RPS6KA3: variants seen among roughly 807,000 people sequenced by gnomAD.
The protein encoded by RPS6KA3 is ribosomal protein S6 kinase A3.
Under a neutral mutation model 67.2 loss-of-function variants are expected in RPS6KA3, and 4 were observed. The ratio of observed to expected loss-of-function variants is 0.06; its 90% CI spans 0.03 to 0.14. The LOEUF (loss-of-function observed/expected upper bound fraction) is 0.14. Ranked by LOEUF, RPS6KA3 falls within the 10% of genes least tolerant of loss-of-function variation. RPS6KA3 has a pLI of 1.00. For missense variants in RPS6KA3, 204 were observed against 559.0 expected (o/e 0.36, Z 6.40); for synonymous variants, 182 against 183.7 (o/e 0.99, Z 0.07).
chrX:20,176,380 G>T, intron 12 of RPS6KA3, 28 bp from the exon 13 acceptor site: 1 of 1,118,545 alleles, frequency 8.9e-7, no homozygotes, highest in Non-Finnish European at 1.2e-6. Context: ...AAGAGACTTA[G>T]ACATATTTTA....
At chrX:20,188,120 C>A in intron 8 of RPS6KA3, 150 bp from the exon 9 acceptor site, 2 of 540,163 alleles carry the variant, frequency 3.7e-6, no homozygotes, top group Non-Finnish European at 6.0e-6. Context: ...GTCACCCAGG[C>A]TGGAGTACAG....
chrX:20,176,748 T>C (rs1244343654), intron 11 of RPS6KA3, among the ~76,000 whole-genome samples: 2 of 110,784 alleles, frequency 1.8e-5, no homozygotes, highest in Non-Finnish European at 3.8e-5. Flanking sequence ...CGCACCACCA[T>C]GCCTGGCTAA....
chrX:20,266,768 A>AGCAGCAGCG lies in RPS6KA3; in HGVS notation c.-137_-136insCGCTGCTGC, dbSNP rs2070406573. 4 of 314,881 alleles carry AGCAGCAGCG rather than the reference A, an allele frequency of 1.3e-5. No individual in the cohort carries two copies. The highest frequency in any genetic ancestry group is 1.7e-5 in the Non-Finnish European group (4 of 241,947). The allele number at this position is 314,881 out of a possible 1,213,427, so 25.9% of individuals were successfully genotyped here. A position where few individuals can be genotyped will look rare whatever the true frequency, so the allele number is the denominator to read the frequency against. Reference sequence around the variant, plus strand: ...CGGCGGCAGCGGCAGCGGCAGCGGCAGCAGCAGCAGCAGCGGCGGCGGCCC... The same window carrying AGCAGCAGCG: ...CGGCGGCAGCGGCAGCGGCAGCGGCAGCAGCAGCGGCAGCAGCAGCAGCGGCGGCGGCCC... On this transcript the variant is annotated 5_prime_UTR_variant, in exon 1 of 22. Transcript: ENST00000379565.
intron 10 of RPS6KA3, among the ~76,000 whole-genome samples, chrX:20,177,633 A>T (rs1409976481): frequency 8.9e-6 from 1 of 112,344 alleles, no homozygotes; most frequent in Admixed American, 9.4e-5. Flanking sequence ...GTTACTAAGA[A>T]CTTTGTGACA....
In RPS6KA3 at chrX:20,216,335, C is replaced by A. The variant is rs779112028; in HGVS notation, c.127-6931G>T. 8.1e-5 allele frequency among the ~76,000 whole-genome samples: 9 copies of A among 111,085 alleles called. No individual in the cohort carries two copies. The South Asian group carries it at 1.5e-3, about 19-fold the overall frequency. ...TCCCTCAGCCTAGGTGTTCAATACC[C>A]TTAAGCTATGTACGGGAATTCACTA... On this transcript the variant is annotated intron_variant, in intron 2 of 21. Coordinates refer to ENST00000379565, the MANE Select transcript of RPS6KA3 (RefSeq NM_004586.3).
intron 1 of RPS6KA3, among the ~76,000 whole-genome samples, chrX:20,248,282 C>T (rs966786329): frequency 8.9e-5 from 10 of 111,861 alleles, no homozygotes; most frequent in African/African-American, 3.2e-4. Context: ...TTAGCAAGCT[C>T]TTCTAGAAGG....
Position 20,153,324 on chromosome X carries a change from T to TAA in RPS6KA3, c.*2073_*2074insTT, listed in dbSNP as rs2067133694. The TAA allele has an allele frequency of 8.9e-6, 1 of 111,922 alleles. No individual in the cohort carries two copies. 9.2% of individuals were successfully genotyped at this position (111,922 alleles called of 1,213,427 possible). On this transcript the variant is annotated 3_prime_UTR_variant, in exon 22 of 22. Transcript: ENST00000379565. ...TACTTTCTCTATCTAGACATTCTGA[T>TAA]ATCCCTCCTATATATTATTTCATTT...
chrX:20,233,325 G>T (rs1472431659), intron 2 of RPS6KA3, among the ~76,000 whole-genome samples: 2 of 111,193 alleles, frequency 1.8e-5, no homozygotes, highest in African/African-American at 6.6e-5. Flanking sequence ...CTTGGTTTCA[G>T]TACATCCTTT....
rs57277762 is a variant in RPS6KA3 at position 20,257,795 on chromosome X, C to T, written c.69+8769G>A. Among the ~76,000 whole-genome samples the T allele has an allele frequency of 3.8e-3, 420 of 111,433 alleles. 4 individuals carry two copies. The highest frequency in any genetic ancestry group is 0.013 in the African/African-American group (401 of 30,673). ...CTGTTTATGTCTCGGTCTGTAAGCTCGGTGCACAAGAGGAAACTTGTAATT... is the reference window on the plus strand; with the variant it reads ...CTGTTTATGTCTCGGTCTGTAAGCTTGGTGCACAAGAGGAAACTTGTAATT... On this transcript the variant is annotated intron_variant, in intron 1 of 21. Coordinates refer to ENST00000379565, the MANE Select transcript of RPS6KA3 (RefSeq NM_004586.3).
chrX:20,188,274 C>T (rs1395843998), intron 8 of RPS6KA3, among the ~76,000 whole-genome samples: 10 of 110,929 alleles, frequency 9.0e-5, no homozygotes, highest in African/African-American at 3.3e-5. Flanking sequence ...CAGGGTTTCA[C>T]CATGTTAGCC....
chrX:20,204,630 G>A (rs1370242870), intron 3 of RPS6KA3, among the ~76,000 whole-genome samples: 2 of 112,371 alleles, frequency 1.8e-5, no homozygotes, highest in African/African-American at 3.2e-5. Flanking sequence ...GCTGGGAGTG[G>A]TGGCACACCC....
rs892206906 is a variant in RPS6KA3 at position 20,237,109 on chromosome X, T to C, written c.70-2295A>G. Among the ~76,000 whole-genome samples the C allele has an allele frequency of 5.4e-5, 6 of 111,734 alleles. No individual in the cohort carries two copies. In the East Asian group the frequency reaches 1.1e-3, roughly 21 times the overall value. ...GTTAAATGATATAAAACCCTAACCA[T>C]AGTGTCTGGCACTTAGTAAACAATC... On this transcript the variant is annotated intron_variant, in intron 1 of 21. Coordinates refer to ENST00000379565, the MANE Select transcript of RPS6KA3 (RefSeq NM_004586.3).
intron 2 of RPS6KA3, among the ~76,000 whole-genome samples, chrX:20,211,372 T>G (rs1233793737): frequency 4.5e-5 from 5 of 110,908 alleles, no homozygotes; most frequent in African/African-American, 6.6e-5. Context: ...GACTTAGGGC[T>G]CAATTCTAGG....
At chrX:20,250,466 A>C (rs940783096) in intron 1 of RPS6KA3, among the ~76,000 whole-genome samples, 1 of 111,967 alleles carries the variant, frequency 8.9e-6, no homozygotes, top group East Asian at 2.8e-4. Context: ...AGGTGCTGGG[A>C]CTACACCATT....
At chrX:20,190,192 A>G (rs1237978490) in intron 7 of RPS6KA3, among the ~76,000 whole-genome samples, 1 of 111,948 alleles carries the variant, frequency 8.9e-6, no homozygotes, top group Non-Finnish European at 1.9e-5. Flanking sequence ...TTGAAAGAAA[A>G]AGTCAACTGT....
At chrX:20,245,097 C>T (rs1360344287) in intron 1 of RPS6KA3, among the ~76,000 whole-genome samples, 1 of 111,929 alleles carries the variant, frequency 8.9e-6, no homozygotes, top group Non-Finnish European at 1.9e-5. Context: ...TCTATGGAAT[C>T]TTGGCCAGCA....
chrX:20,257,182 C>A (rs767193281), intron 1 of RPS6KA3, among the ~76,000 whole-genome samples: 2 of 111,651 alleles, frequency 1.8e-5, no homozygotes, highest in African/African-American at 6.5e-5. Flanking sequence ...TCAAGGGGGG[C>A]ACTCAATAGA....
rs2148621004 is a variant in RPS6KA3, at chrX:20,154,590, AACT to A, written c.*805_*807del. The A allele has an allele frequency of 8.9e-6, 1 of 112,876 alleles. No individual in the cohort carries two copies. The highest frequency in any genetic ancestry group is 2.8e-4 in the East Asian group (1 of 3,596). 9.3% of individuals were successfully genotyped at this position (112,876 alleles called of 1,213,427 possible). A position where few individuals can be genotyped will look rare whatever the true frequency, so the allele number is the denominator to read the frequency against. On this transcript the variant is annotated 3_prime_UTR_variant, in exon 22 of 22. Transcript: ENST00000379565. ...TAAGGAGTTGCAAAGTATATGGACT[AACT>A]TCATAGGTGTATTCTTGATTTCATG... is the stretch of plus-strand genomic sequence containing the variant.
At chrX:20,247,432 G>T (rs938526654) in intron 1 of RPS6KA3, among the ~76,000 whole-genome samples, 1 of 110,880 alleles carries the variant, frequency 9.0e-6, no homozygotes, top group African/African-American at 3.3e-5. Context: ...ACTAAACATT[G>T]TTAAGTTTTA....
Sources: allele counts gnomAD v4.1 joint callset (sites outside exome capture counted in the v4.1 genomes callset), GRCh38; gene constraint gnomAD v4.1.1; transcripts MANE v1.5; gene names NCBI Gene and HGNC (gene_info 2026-07-23, HGNC 2026-07-21).